Variants in PKNOX2 observed in about 807,000 individuals in gnomAD.
The protein encoded by PKNOX2 is homeobox protein PKNOX2.
A neutral mutation model predicts 53.1 loss-of-function variants in PKNOX2; 14 were observed. The ratio of observed to expected loss-of-function variants is 0.26; its 90% confidence interval spans 0.17 to 0.41. The LOEUF is 0.41. Ranked by LOEUF, PKNOX2 falls within the 10% of genes least tolerant of loss-of-function variation. The pLI is 1.00. For missense variants in PKNOX2, 496 were observed against 602.8 expected, an observed-to-expected ratio of 0.82 and a Z score of 1.85; for synonymous variants, 257 against 242.8, an observed-to-expected ratio of 1.06 and a Z score of -0.54.
chr11:125,406,472 G>A (rs565964837), intron 7 of PKNOX2, among the ~76,000 whole-genome samples: 1 of 152,196 alleles, frequency 6.6e-6, no homozygotes, highest in African/African-American at 2.4e-5. Context: ...TGGCTTGAAG[G>A]CTTCTAGGAC....
chr11:125,178,676 A>G (rs866613387), intron 1 of PKNOX2, among the ~76,000 whole-genome samples: 3,355 of 98,340 alleles, frequency 0.034, 475 homozygotes, highest in African/African-American at 0.14. Context: ...GAAGGAAAGA[A>G]AGAGAGAGAG....
chr11:125,295,518 C>T (rs1179205392), intron 2 of PKNOX2, among the ~76,000 whole-genome samples: 1 of 152,228 alleles, frequency 6.6e-6, no homozygotes, highest in Admixed American at 6.5e-5. Flanking sequence ...AGTGAGGGCT[C>T]AGGAGCGGCC....
At chr11:125,376,436 G>C (rs1952846265) in intron 5 of PKNOX2, among the ~76,000 whole-genome samples, 1 of 152,180 alleles carries the variant, frequency 6.6e-6, no homozygotes, top group African/African-American at 2.4e-5. Context: ...GAAGCAGAGG[G>C]CTGGACAAGC....
chr11:125,284,109 A>G (rs1946747872), intron 2 of PKNOX2, among the ~76,000 whole-genome samples: 1 of 152,172 alleles, frequency 6.6e-6, no homozygotes, highest in African/African-American at 2.4e-5. Flanking sequence ...GAACACACCT[A>G]AAGGGTTGTT....
At chr11:125,274,672 G>T (rs772508706) in intron 2 of PKNOX2, among the ~76,000 whole-genome samples, 2 of 152,122 alleles carry the variant, frequency 1.3e-5, no homozygotes, top group Non-Finnish European at 2.9e-5. Flanking sequence ...GCAGGCCCAG[G>T]CCAGGACGCT....
At chr11:125,281,790 A>G (rs990397976) in intron 2 of PKNOX2, among the ~76,000 whole-genome samples, 8 of 152,204 alleles carry the variant, frequency 5.3e-5, no homozygotes, top group African/African-American at 1.9e-4. Flanking sequence ...CCCTAATACA[A>G]TCACTGGAGG....
chr11:125,183,738 A>G (rs590211), intron 1 of PKNOX2, among the ~76,000 whole-genome samples: 92,687 of 151,584 alleles, frequency 0.61, 28,795 homozygotes, highest in Non-Finnish European at 0.68. Context: ...ACAAAAAGAG[A>G]TGATTTTTTT....
chr11:125,174,183 A>T (rs772864046), intron 1 of PKNOX2, among the ~76,000 whole-genome samples: 2 of 152,168 alleles, frequency 1.3e-5, no homozygotes, highest in Non-Finnish European at 2.9e-5. Flanking sequence ...ACAGACGCCC[A>T]GAGAGTCAAG....
intron 1 of PKNOX2, among the ~76,000 whole-genome samples, chr11:125,199,581 C>T (rs1485637711): frequency 3.3e-5 from 5 of 152,202 alleles, no homozygotes; most frequent in African/African-American, 2.4e-5. Flanking sequence ...CTGTGGCTCA[C>T]ACCTGTAATC....
At chr11:125,360,916 A>C (rs1276992608) in intron 4 of PKNOX2, among the ~76,000 whole-genome samples, 1 of 152,198 alleles carries the variant, frequency 6.6e-6, no homozygotes. Context: ...CCCAAATCAC[A>C]CAGGCAGGAG....
chr11:125,336,368 G>A (rs1950431484), intron 3 of PKNOX2, among the ~76,000 whole-genome samples: 1 of 151,702 alleles, frequency 6.6e-6, no homozygotes, highest in African/African-American at 2.4e-5. Context: ...TCTATTAACT[G>A]TCTGCTATGA....
At chr11:125,190,027 G>A (rs1249330747) in intron 1 of PKNOX2, 1 of 152,136 alleles carries the variant, frequency 6.6e-6, no homozygotes, top group East Asian at 1.9e-4. Flanking sequence ...CTGGGTTCAA[G>A]CGATTCTCCT....
chr11:125,190,308 G>A (rs989066030), intron 1 of PKNOX2, among the ~76,000 whole-genome samples: 14 of 152,180 alleles, frequency 9.2e-5, no homozygotes, highest in African/African-American at 3.4e-4. Flanking sequence ...GGCTGAGGCT[G>A]TCCTCCTATC....
At chr11:125,392,506 C>T (rs1954111349) in intron 6 of PKNOX2, among the ~76,000 whole-genome samples, 2 of 152,304 alleles carry the variant, frequency 1.3e-5, no homozygotes, top group South Asian at 4.2e-4. Flanking sequence ...TCCATTAGCC[C>T]ATAAAAAAGT....
At chr11:125,392,597 G>C (rs527742678) in intron 6 of PKNOX2, among the ~76,000 whole-genome samples, 1 of 152,278 alleles carries the variant, frequency 6.6e-6, no homozygotes, top group Admixed American at 6.5e-5. Flanking sequence ...TAAACATGCT[G>C]TGCGTGTATT....
intron 3 of PKNOX2, among the ~76,000 whole-genome samples, chr11:125,344,015 A>G (rs1000756042): frequency 3.9e-5 from 6 of 152,268 alleles, no homozygotes; most frequent in East Asian, 1.9e-4. Context: ...AGTCCTGTCC[A>G]TGGAGGAGGG....
chr11:125,316,878 G>C (rs61079061), intron 2 of PKNOX2, among the ~76,000 whole-genome samples: 9,517 of 152,176 alleles, frequency 0.063, 894 homozygotes, highest in African/African-American at 0.21. Flanking sequence ...CAGACTCACC[G>C]TCTCACAAAA....
Position 125,352,799 on chromosome 11 carries a change from A to G in PKNOX2, c.87+1407A>G, listed in dbSNP as rs908380614. 6.6e-6 allele frequency among the ~76,000 whole-genome samples: 1 copy of G among 152,190 alleles called. No individual in the cohort carries two copies. The highest frequency in any genetic ancestry group is 6.5e-5 in the Admixed American group (1 of 15,286). On this transcript the variant is annotated intron_variant, in intron 4 of 12. Transcript: ENST00000298282. This position sits in a 1 kb window ranked among gnomAD's most constrained non-coding sequence, Gnocchi z 4.1. Reference sequence around the variant, plus strand: ...TCCCAGCCTAACCCCATCCTCAGCGAGCCCTCTGCTCATGCCAGTAGCTTC... The same window carrying G: ...TCCCAGCCTAACCCCATCCTCAGCGGGCCCTCTGCTCATGCCAGTAGCTTC...
chr11:125,222,982 G>A (rs977274668), intron 1 of PKNOX2, among the ~76,000 whole-genome samples: 9 of 152,112 alleles, frequency 5.9e-5, no homozygotes, highest in Admixed American at 4.6e-4. Flanking sequence ...GGAAGAGCCC[G>A]GCAGCCTGGA....
Sources: allele counts gnomAD v4.1 joint callset (sites outside exome capture counted in the v4.1 genomes callset), GRCh38; gene constraint gnomAD v4.1.1; non-coding constraint Gnocchi (gnomAD v3.1); transcripts MANE v1.5; gene names NCBI Gene and HGNC (gene_info 2026-07-23, HGNC 2026-07-21).